Variants in JAZF1 observed in about 807,000 individuals in gnomAD.
JAZF1 encodes JAZF zinc finger 1.
Under a neutral mutation model 26.4 loss-of-function variants are expected in JAZF1, and 8 were observed. The observed-to-expected ratio is 0.30, with a 90% CI of 0.18 to 0.55. The LOEUF (loss-of-function observed/expected upper bound fraction) is 0.55, where lower values mean the gene tolerates loss of function less well. Among genes scored for constraint, JAZF1 ranks in the 20% least tolerant of loss-of-function variants. The probability of loss-of-function intolerance (pLI) is 0.94; values close to 1 mark genes in which losing one functional copy is unlikely to be tolerated. For synonymous variants in JAZF1, 126 were observed against 122.3 expected (o/e 1.03, Z -0.20); for missense variants, 199 against 322.0 (o/e 0.62, Z 2.92).
intron 3 of JAZF1, among the ~76,000 whole-genome samples, chr7:27,867,092 T>C (rs73083371): frequency 0.076 from 11,517 of 152,242 alleles, 637 homozygotes; most frequent in Middle Eastern, 0.12. Flanking sequence ...GGTATGATGA[T>C]TTCCTTCTTA....
intron 2 of JAZF1, among the ~76,000 whole-genome samples, chr7:27,915,047 G>A (rs551906911): frequency 1.3e-5 from 2 of 152,258 alleles, no homozygotes; most frequent in East Asian, 3.9e-4. Flanking sequence ...ACAAATTACT[G>A]TTAAGAGTTT....
chr7:27,872,461 C>G (rs7791369), intron 3 of JAZF1, among the ~76,000 whole-genome samples: 1 of 152,104 alleles, frequency 6.6e-6, no homozygotes, highest in Non-Finnish European at 1.5e-5. Flanking sequence ...AGCTGGAATC[C>G]TTCCCCTGTG....
chr7:27,938,310 C>G (rs1385417211), intron 2 of JAZF1, among the ~76,000 whole-genome samples: 1 of 152,188 alleles, frequency 6.6e-6, no homozygotes, highest in African/African-American at 2.4e-5. Flanking sequence ...TTGTTCTTAA[C>G]TTTCCAACAT....
At chr7:28,129,023 C>T (rs1782746969) in intron 1 of JAZF1, among the ~76,000 whole-genome samples, 1 of 152,048 alleles carries the variant, frequency 6.6e-6, no homozygotes, top group Non-Finnish European at 1.5e-5. Flanking sequence ...CTGAGAATCA[C>T]TGGGTTCTCT....
At chr7:28,089,324 T>G (rs548366077) in intron 1 of JAZF1, among the ~76,000 whole-genome samples, 1 of 152,290 alleles carries the variant, frequency 6.6e-6, no homozygotes, top group East Asian at 1.9e-4. Flanking sequence ...ACCACAGCCA[T>G]CTGCAAACCA....
chr7:28,080,953 T>C (rs200736701), intron 1 of JAZF1, among the ~76,000 whole-genome samples: 1 of 142,726 alleles, frequency 7.0e-6, no homozygotes, highest in Non-Finnish European at 1.5e-5. Context: ...AAAAAAAAAA[T>C]GCACTGTCTG....
chr7:27,894,373 T>G (rs1784023826), intron 3 of JAZF1, among the ~76,000 whole-genome samples: 1 of 152,232 alleles, frequency 6.6e-6, no homozygotes, highest in Admixed American at 6.5e-5. Context: ...TACCAAGGTT[T>G]TCTTACTAAT....
chr7:28,159,118 C>T (rs913840148), intron 1 of JAZF1, among the ~76,000 whole-genome samples: 2 of 151,774 alleles, frequency 1.3e-5, no homozygotes, highest in Admixed American at 6.6e-5. Flanking sequence ...AAAGACATAA[C>T]GGGGTAATGC....
intron 1 of JAZF1, among the ~76,000 whole-genome samples, chr7:28,125,422 G>A (rs1782678931): frequency 6.6e-6 from 1 of 152,132 alleles, no homozygotes; most frequent in South Asian, 2.1e-4. Flanking sequence ...TTAAATGAAA[G>A]CAAAGATAGA....
At chr7:27,888,930 T>C (rs760696610) in intron 3 of JAZF1, among the ~76,000 whole-genome samples, 4 of 152,194 alleles carry the variant, frequency 2.6e-5, no homozygotes, top group East Asian at 1.9e-4. Context: ...GCTCTTTCCA[T>C]GGCTTCTCCA....
chr7:28,059,628 T>A (rs980134610), intron 1 of JAZF1, among the ~76,000 whole-genome samples: 1 of 152,222 alleles, frequency 6.6e-6, no homozygotes, highest in Non-Finnish European at 1.5e-5. Context: ...TCTCTTACCT[T>A]CTTCTCAAAG....
chr7:28,024,765 C>T lies in JAZF1; in HGVS notation c.116-32784G>A, dbSNP rs181990622. ...ACTTTCTGTCATCTGACATGCCATG[C>T]CCTGAGCCTGCAACTTGAGAGATCA... On this transcript the variant is annotated intron_variant, in intron 1 of 4. Coordinates refer to ENST00000283928, the MANE Select transcript of JAZF1 (RefSeq NM_175061.4). 4.4e-4 allele frequency among the ~76,000 whole-genome samples: 67 copies of T among 152,308 alleles called. 1 individual carries two copies. In the Middle Eastern group the frequency reaches 0.01, roughly 23 times the overall value.
chr7:27,899,581 C>T (rs1453707808), intron 2 of JAZF1, among the ~76,000 whole-genome samples: 3 of 151,916 alleles, frequency 2.0e-5, no homozygotes, highest in Non-Finnish European at 4.4e-5. Flanking sequence ...ACTACAGGCA[C>T]GCCCCCCCAT....
chr7:28,144,140 T>C (rs1173974423), intron 1 of JAZF1, among the ~76,000 whole-genome samples: 2 of 152,186 alleles, frequency 1.3e-5, no homozygotes, highest in East Asian at 3.8e-4. Context: ...CCACATTCTC[T>C]CCATTGCAGG....
intron 1 of JAZF1, among the ~76,000 whole-genome samples, chr7:28,104,222 C>G (rs1784517864): frequency 6.6e-6 from 1 of 152,178 alleles, no homozygotes; most frequent in Admixed American, 6.5e-5. Context: ...ACCCCACACT[C>G]CCCCTCTCCA....
intron 2 of JAZF1, among the ~76,000 whole-genome samples, chr7:27,972,852 T>C (rs974691632): frequency 3.3e-5 from 5 of 151,920 alleles, no homozygotes; most frequent in Admixed American, 3.3e-4. Context: ...TATATATATA[T>C]ATACACACAC....
At position 27,861,126 on chromosome 7, in the gene JAZF1, C is replaced by T. The variant is rs1783371177; in HGVS notation, c.386-20259G>A. ...AATGTCTGAGGACGTCTTCATTCTA[C>T]TCTCAGGTCGATGCCCACGAGTCCT... On this transcript the variant is annotated intron_variant, in intron 3 of 4. Transcript: ENST00000283928. 2.0e-5 allele frequency among the ~76,000 whole-genome samples: 3 copies of T among 152,178 alleles called. No individual in the cohort carries two copies. In the South Asian group the frequency reaches 6.2e-4, roughly 31 times the overall value.
chr7:28,043,397 C>G (rs1056699559), intron 1 of JAZF1, among the ~76,000 whole-genome samples: 10 of 152,144 alleles, frequency 6.6e-5, no homozygotes, highest in African/African-American at 2.4e-4. Flanking sequence ...ACTACCCTCC[C>G]CTAAGCTCGT....
intron 2 of JAZF1, among the ~76,000 whole-genome samples, chr7:27,945,527 C>G (rs1413671354): frequency 1.3e-5 from 2 of 152,174 alleles, no homozygotes; most frequent in Non-Finnish European, 2.9e-5. Flanking sequence ...TTCCCACACC[C>G]AGGTCAAGTT....
Sources: allele counts gnomAD v4.1 joint callset (sites outside exome capture counted in the v4.1 genomes callset), GRCh38; gene constraint gnomAD v4.1.1; transcripts MANE v1.5; gene names NCBI Gene and HGNC (gene_info 2026-07-23, HGNC 2026-07-21).